Variants in XKR6 observed in about 807,000 individuals in gnomAD.
The protein encoded by XKR6 is XK-related protein 6.
In XKR6, 22 loss-of-function variants were observed where a neutral mutation model predicts 56.7. The observed-to-expected ratio is 0.39, with a 90% CI of 0.28 to 0.55. The LOEUF is 0.55. XKR6 is among the 20% of genes least tolerant of loss of function. XKR6 has a pLI of 0.66. For missense variants in XKR6, 852 were observed against 889.0 expected (o/e 0.96, Z 0.53); for synonymous variants, 524 against 387.8 (o/e 1.35, Z -4.13).
chr8:11,053,873 C>G (rs1200460317), intron 1 of XKR6, among the ~76,000 whole-genome samples: 1 of 152,190 alleles, frequency 6.6e-6, no homozygotes, highest in Non-Finnish European at 1.5e-5. Flanking sequence ...TCTTTCCGCA[C>G]TCTAGAATTT....
chr8:11,182,323 A>G (rs1224637567), intron 1 of XKR6, among the ~76,000 whole-genome samples: 1 of 152,176 alleles, frequency 6.6e-6, no homozygotes, highest in Non-Finnish European at 1.5e-5. Context: ...TATTGGAATA[A>G]TTTCAGCCTT....
chr8:11,055,448 G>C (rs925019937), intron 1 of XKR6, among the ~76,000 whole-genome samples: 4 of 152,218 alleles, frequency 2.6e-5, no homozygotes, highest in African/African-American at 7.2e-5. Flanking sequence ...GCTCAGGGGA[G>C]CCTGCCTAGA....
chr8:10,931,133 A>G (rs1484761283), intron 1 of XKR6, among the ~76,000 whole-genome samples: 1 of 152,206 alleles, frequency 6.6e-6, no homozygotes, highest in African/African-American at 2.4e-5. Flanking sequence ...GTTTCTATAA[A>G]TGATTAATGA....
At chr8:10,975,891 C>T (rs934306719) in intron 1 of XKR6, among the ~76,000 whole-genome samples, 2 of 152,116 alleles carry the variant, frequency 1.3e-5, no homozygotes, top group Non-Finnish European at 2.9e-5. Flanking sequence ...GTATCAAAAG[C>T]GCCCACCACG....
At chr8:10,994,734 C>T (rs911222335) in intron 1 of XKR6, among the ~76,000 whole-genome samples, 1 of 152,170 alleles carries the variant, frequency 6.6e-6, no homozygotes, top group Admixed American at 6.5e-5. Flanking sequence ...CCCATTTTAT[C>T]GATGAGGAAA....
At chr8:11,043,322 C>T (rs1029141351) in intron 1 of XKR6, among the ~76,000 whole-genome samples, 2 of 152,222 alleles carry the variant, frequency 1.3e-5, no homozygotes, top group South Asian at 4.1e-4. Flanking sequence ...AGGAACTCAG[C>T]TCACATGCTT....
At position 11,141,841 on chromosome 8, in the gene XKR6, A is replaced by G. The variant is rs545987067; in HGVS notation, c.764+58735T>C. ...AATCTATGCTACTAGAAGGTAGGAC[A>G]GTAATTATCTTTGGTGGAGTAGGGA... On this transcript the variant is annotated intron_variant, in intron 1 of 2. Transcript: ENST00000416569. Among the ~76,000 whole-genome samples the G allele has an allele frequency of 1.2e-4, 18 of 152,306 alleles. No individual in the cohort carries two copies. In the South Asian group the frequency reaches 3.7e-3, roughly 32 times the overall value.
intron 1 of XKR6, chr8:11,113,829 T>C (rs962828292): frequency 5.9e-6 from 1 of 170,566 alleles, no homozygotes; most frequent in African/African-American, 2.4e-5. Context: ...TGTAAAACAT[T>C]TGAGCTAATT....
At chr8:11,030,268 A>G (rs1798961823) in intron 1 of XKR6, among the ~76,000 whole-genome samples, 1 of 152,126 alleles carries the variant, frequency 6.6e-6, no homozygotes, top group East Asian at 1.9e-4. Context: ...CTGGGTGACA[A>G]CAGGCCTTCC....
At chr8:11,122,780 T>C (rs908843093) in intron 1 of XKR6, among the ~76,000 whole-genome samples, 3 of 152,214 alleles carry the variant, frequency 2.0e-5, no homozygotes, top group Non-Finnish European at 4.4e-5. Context: ...TGAGGGCAGA[T>C]TGACTCATAC....
chr8:11,179,910 A>T (rs1230605839), intron 1 of XKR6, among the ~76,000 whole-genome samples: 1 of 152,156 alleles, frequency 6.6e-6, no homozygotes, highest in Non-Finnish European at 1.5e-5. Flanking sequence ...ATGTAGGGGA[A>T]TTGCTCAAGC....
chr8:10,966,148 G>T (rs1269338128), intron 1 of XKR6, among the ~76,000 whole-genome samples: 1 of 152,144 alleles, frequency 6.6e-6, no homozygotes, highest in Non-Finnish European at 1.5e-5. Context: ...GGGTACATCC[G>T]GACTACTTGA....
intron 1 of XKR6, among the ~76,000 whole-genome samples, chr8:11,056,561 A>C (rs1249531797): frequency 6.6e-6 from 1 of 152,110 alleles, no homozygotes; most frequent in Non-Finnish European, 1.5e-5. Context: ...CACCCCCATA[A>C]AGGCACCTCT....
chr8:11,051,023 G>C (rs899781979), intron 1 of XKR6, among the ~76,000 whole-genome samples: 13 of 152,078 alleles, frequency 8.5e-5, no homozygotes, highest in Non-Finnish European at 1.6e-4. Context: ...GAAACTACCA[G>C]TATTGACTAG....
chr8:10,951,453 CAG>C (rs1183839614), intron 1 of XKR6, among the ~76,000 whole-genome samples: 1 of 152,162 alleles, frequency 6.6e-6, no homozygotes, highest in African/African-American at 2.4e-5. Context: ...TGAGTGAAGA[CAG>C]AATCACCGGC....
intron 1 of XKR6, among the ~76,000 whole-genome samples, chr8:11,114,715 C>T (rs1350327152): frequency 1.4e-5 from 2 of 141,010 alleles, no homozygotes; most frequent in Non-Finnish European, 1.5e-5. Flanking sequence ...AAGTCAGCTA[C>T]TTAGATCACA....
chr8:11,189,093 T>A lies in XKR6; in HGVS notation c.764+11483A>T, dbSNP rs560683832. Among the ~76,000 whole-genome samples the A allele has an allele frequency of 7.2e-5, 11 of 152,326 alleles. No individual in the cohort carries two copies. The South Asian group carries it at 1.9e-3, about 26-fold the overall frequency. On this transcript the variant is annotated intron_variant, in intron 1 of 2. Coordinates refer to ENST00000416569, the MANE Select transcript of XKR6 (RefSeq NM_173683.4). Reference sequence around the variant, plus strand: ...TTCTTCTCTGCTCCCTTCTTTCCTGTCTCTAATGACACTCAGTATCTATTA... The same window carrying A: ...TTCTTCTCTGCTCCCTTCTTTCCTGACTCTAATGACACTCAGTATCTATTA...
intron 1 of XKR6, among the ~76,000 whole-genome samples, chr8:11,154,077 G>A (rs571834276): frequency 4.6e-5 from 7 of 152,266 alleles, no homozygotes; most frequent in South Asian, 4.1e-4. Flanking sequence ...CTTTGCCCTC[G>A]GCTAGTGGGA....
In XKR6 at chr8:11,137,562, G is replaced by C. The variant is rs557758613; in HGVS notation, c.764+63014C>G. On this transcript the variant is annotated intron_variant, in intron 1 of 2. Coordinates refer to ENST00000416569, the MANE Select transcript of XKR6 (RefSeq NM_173683.4). Reference sequence around the variant, plus strand: ...TACCCATCACCCCAGTGTTCTGGAAGAAAAAGACAGCAGGGAGAAGTTCTC... The same window carrying C: ...TACCCATCACCCCAGTGTTCTGGAACAAAAAGACAGCAGGGAGAAGTTCTC... The C allele has an allele frequency of 6.6e-6, 3 of 456,268 alleles. No homozygotes were observed. The Admixed American group carries it at 7.0e-5, about 11-fold the overall frequency. The allele number at this position is 456,268 out of a possible 1,614,324, so 28.3% of individuals were successfully genotyped here.
Sources: allele counts gnomAD v4.1 joint callset (sites outside exome capture counted in the v4.1 genomes callset), GRCh38; gene constraint gnomAD v4.1.1; transcripts MANE v1.5; gene names NCBI Gene and HGNC (gene_info 2026-07-23, HGNC 2026-07-21).